The following VASN variants were observed in gnomAD, a reference collection of about 807,000 sequenced individuals.
VASN encodes the protein vasorin.
Under a neutral mutation model 4.8 loss-of-function variants are expected in VASN, and 5 were observed. That is an observed-to-expected ratio of 1.03 (90% CI 0.54 to 2.17). The LOEUF is 2.17. VASN is among the 30% of genes most tolerant of loss of function. VASN has a pLI of 0.01. For synonymous variants in VASN, 499 were observed against 460.8 expected (o/e 1.08, Z -1.06); for missense variants, 927 against 948.8 (o/e 0.98, Z 0.30).
At chr16:4,373,612 C>T (rs537877904) in intron 1 of VASN, among the ~76,000 whole-genome samples, 5 of 152,170 alleles carry the variant, frequency 3.3e-5, no homozygotes, top group African/African-American at 4.8e-5. Flanking sequence ...GGAGATGCCC[C>T]GGGCAGGAGA....
chr16:4,382,728 AG>A lies in VASN; in HGVS notation c.1855del (p.Ala619LeufsTer9). 6.4e-7 allele frequency: 1 copy of A among 1,553,090 alleles called. No individual in the cohort carries two copies. Among genetic ancestry groups the A allele is most frequent in the Non-Finnish European group, 8.7e-7 (1 of 1,149,348 alleles). On this transcript the variant is annotated frameshift_variant, in exon 2 of 2. Coordinates refer to ENST00000304735, the MANE Select transcript of VASN (RefSeq NM_138440.3). LOFTEE classifies it high-confidence loss of function. ...AAQDKGQVGP[G>X]AGPLELEGVK... ...CTCAGGACAAAGGGCAGGTGGGGCC[AG>A]GGGCTGGGCCCCTGGAACTGGAGGG... is the stretch of plus-strand genomic sequence containing the variant.
In VASN at chr16:4,382,623, G is replaced by C. The variant is rs1011056295; in HGVS notation, c.1746G>C (p.Leu582=). 1 of 1,574,216 alleles carries C rather than the reference G, an allele frequency of 6.4e-7. No homozygotes were observed. Among genetic ancestry groups the C allele is most frequent in the African/African-American group, 1.4e-5 (1 of 73,846 alleles). Residue 582 remains leucine, a synonymous_variant, in exon 2 of 2, where the codon CTG becomes CTC. Coordinates refer to ENST00000304735, the MANE Select transcript of VASN (RefSeq NM_138440.3). ...GNLPLLIAPA[L]AAVLLAALAA... ...TGCCGCTCCTCATTGCGCCCGCCCT[G>C]GCCGCGGTGCTCCTGGCCGCGCTGG...
At chr16:4,379,966 G>A (rs2054894135) in intron 1 of VASN, among the ~76,000 whole-genome samples, 1 of 150,584 alleles carries the variant, frequency 6.6e-6, no homozygotes, top group African/African-American at 2.4e-5. Context: ...GCTGAGGCAG[G>A]AGAATTGCTT....
chr16:4,382,684 C>CGGGCCA lies in VASN; in HGVS notation c.1808_1813dup (p.Arg603_Ala604dup). ...GGCAGCCTACTGTGTGCGGCGGGGG[C>CGGGCCA]GGGCCATGGCAGCAGCGGCTCAGGA... On this transcript the variant is annotated inframe_insertion, in exon 2 of 2. Transcript: ENST00000304735. 6.5e-7 allele frequency: 1 copy of CGGGCCA among 1,545,808 alleles called. No homozygotes were observed. The highest frequency in any genetic ancestry group is 8.7e-7 in the Non-Finnish European group (1 of 1,146,892).
chr16:4,376,286 C>A (rs541522593), intron 1 of VASN, among the ~76,000 whole-genome samples: 3 of 152,206 alleles, frequency 2.0e-5, no homozygotes, highest in Non-Finnish European at 4.4e-5. Flanking sequence ...TGGAGCCAGC[C>A]GTCCTGGCCG....
At chr16:4,375,724 G>A (rs1422689161) in intron 1 of VASN, among the ~76,000 whole-genome samples, 1 of 152,184 alleles carries the variant, frequency 6.6e-6, no homozygotes. Context: ...TCCTGACCTC[G>A]TGATCGTCCT....
At position 4,381,935 on chromosome 16, in the gene VASN, C is replaced by G; in HGVS notation, c.1058C>G (p.Thr353Ser). 3.1e-6 allele frequency: 5 copies of G among 1,607,378 alleles called. No homozygotes were observed. Among genetic ancestry groups the G allele is most frequent in the Non-Finnish European group, 4.2e-6 (5 of 1,178,808 alleles). Residue 353 changes from threonine to serine, a missense_variant, in exon 2 of 2, where the codon ACC (threonine) becomes AGC (serine). Physicochemically the swap from Thr to Ser is moderately conservative, Grantham distance 58. Coordinates refer to ENST00000304735, the MANE Select transcript of VASN (RefSeq NM_138440.3). ...DYADFGCPAT[T>S]TTATVPTTRP... ...GCCGACTTTGGCTGCCCAGCCACCA[C>G]CACCACAGCCACAGTGCCCACCACG...
At chr16:4,380,446 T>C (rs905975327) in intron 1 of VASN, among the ~76,000 whole-genome samples, 1 of 152,262 alleles carries the variant, frequency 6.6e-6, no homozygotes, top group Non-Finnish European at 1.5e-5. Context: ...CCAGCTTCTC[T>C]GCTTACACAC....
intron 1 of VASN, among the ~76,000 whole-genome samples, chr16:4,376,868 G>C (rs1281928977): frequency 6.6e-6 from 1 of 152,174 alleles, no homozygotes; most frequent in Non-Finnish European, 1.5e-5. Flanking sequence ...GGGGATGTCT[G>C]ATCTGTGTAA....
Position 4,382,651 on chromosome 16 carries a change from G to A in VASN, c.1774G>A (p.Ala592Thr), listed in dbSNP as rs2055036881. 6.4e-7 allele frequency: 1 copy of A among 1,554,310 alleles called. No individual in the cohort carries two copies. Among genetic ancestry groups the A allele is most frequent in the East Asian group, 2.4e-5 (1 of 41,382 alleles). The stretch of plus-strand genomic sequence containing the variant: ...CGCGGTGCTCCTGGCCGCGCTGGCT[G>A]CGGTGGGGGCAGCCTACTGTGTGCG... Reference protein sequence around the residue: ...LAAVLLAALAAVGAAYCVRRG... With the variant: ...LAAVLLAALATVGAAYCVRRG... Residue 592 changes from alanine (A) to threonine (T), a missense_variant, in exon 2 of 2, where the codon GCG (alanine) becomes ACG (threonine). Coordinates refer to ENST00000304735, the MANE Select transcript of VASN (RefSeq NM_138440.3).
chr16:4,377,758 G>A (rs1448730140), intron 1 of VASN, among the ~76,000 whole-genome samples: 4 of 152,180 alleles, frequency 2.6e-5, no homozygotes, highest in South Asian at 2.1e-4. Flanking sequence ...AAGCTCCAGC[G>A]CTGCCTCCTC....
Position 4,383,150 on chromosome 16 carries a change from C to T in VASN, c.*251C>T, listed in dbSNP as rs138013996. The T allele has an allele frequency of 1.3e-5, 6 of 477,048 alleles. No individual in the cohort carries two copies. In the East Asian group the frequency reaches 1.4e-4, roughly 11 times the overall value. 29.6% of individuals were successfully genotyped at this position (477,048 alleles called of 1,614,324 possible). A position where few individuals can be genotyped will look rare whatever the true frequency, so the allele number is the denominator to read the frequency against. On this transcript the variant is annotated 3_prime_UTR_variant, in exon 2 of 2. Transcript: ENST00000304735. Reference sequence around the variant, plus strand: ...TGAGGACAGTGTCCGCCCTGCCCTCCGCAACGTGCAGTCCCTGGGCACGGC... The same window carrying T: ...TGAGGACAGTGTCCGCCCTGCCCTCTGCAACGTGCAGTCCCTGGGCACGGC...
In VASN at chr16:4,372,759, C is replaced by A. The variant is rs546360832; in HGVS notation, c.-10+766C>A. On this transcript the variant is annotated intron_variant, in intron 1 of 1. Coordinates refer to ENST00000304735, the MANE Select transcript of VASN (RefSeq NM_138440.3). Reference sequence around the variant, plus strand: ...TTGGTGCCAACCATTCTGCCTCTCCCCCATTCGTTAACGATTGCCACACCA... The same window carrying A: ...TTGGTGCCAACCATTCTGCCTCTCCACCATTCGTTAACGATTGCCACACCA... 3.3e-5 allele frequency among the ~76,000 whole-genome samples: 5 copies of A among 152,286 alleles called. No individual in the cohort carries two copies. The East Asian group carries it at 9.6e-4, about 29-fold the overall frequency.
chr16:4,372,026 G>C (rs1377970061), intron 1 of VASN, 33 bp downstream of exon 1: 1 of 151,982 alleles, frequency 6.6e-6, no homozygotes, highest in Non-Finnish European at 1.5e-5. Context: ...GGCTGCGGGC[G>C]GGGAAGGGGG....
Position 4,381,522 on chromosome 16 carries a change from G to A in VASN, c.645G>A (p.Leu215=). 2 of 1,600,944 alleles carry A rather than the reference G, an allele frequency of 1.2e-6. No individual in the cohort carries two copies. The highest frequency in any genetic ancestry group is 1.7e-6 in the Non-Finnish European group (2 of 1,174,986). The part of the protein sequence containing the change: ...QQLDEGLFSR[L]RNLHDLDVSD... ...TGGACGAGGGGCTCTTCAGCCGCTT[G>A]CGCAACCTCCACGACCTGGATGTGT... The change falls in exon 2 of 2, where the codon TTG becomes TTA. Residue 215 remains leucine (L), a synonymous_variant. Coordinates refer to ENST00000304735, the MANE Select transcript of VASN (RefSeq NM_138440.3).
intron 1 of VASN, among the ~76,000 whole-genome samples, chr16:4,378,919 C>G (rs1567269624): frequency 6.6e-6 from 1 of 152,066 alleles, no homozygotes; most frequent in Non-Finnish European, 1.5e-5. Flanking sequence ...GGAGACGACT[C>G]TGGCAGTGCG....
At position 4,381,858 on chromosome 16, in the gene VASN, C is replaced by T. The variant is rs1430890159; in HGVS notation, c.981C>T (p.Arg327=). The change falls in exon 2 of 2, where the codon CGC becomes CGT. Residue 327 remains arginine (R), a synonymous_variant. Transcript: ENST00000304735. The part of the protein sequence containing the change: ...HVTLASPEET[R]CHFPPKNAGR... Reference sequence around the variant, plus strand: ...CACTGGCCAGCCCTGAGGAGACGCGCTGCCACTTCCCGCCCAAGAACGCTG... The same window carrying T: ...CACTGGCCAGCCCTGAGGAGACGCGTTGCCACTTCCCGCCCAAGAACGCTG... The T allele has an allele frequency of 6.2e-7, 1 of 1,602,890 alleles. No homozygotes were observed. The highest frequency in any genetic ancestry group is 2.2e-5 in the East Asian group (1 of 44,872).
chr16:4,380,346 T>G (rs978519163), intron 1 of VASN, among the ~76,000 whole-genome samples: 2 of 152,172 alleles, frequency 1.3e-5, no homozygotes, highest in Non-Finnish European at 2.9e-5. Context: ...ATGGATCCCA[T>G]AGTTTCCATG....
chr16:4,372,286 C>A (rs977453778), intron 1 of VASN, among the ~76,000 whole-genome samples: 1 of 152,232 alleles, frequency 6.6e-6, no homozygotes. Flanking sequence ...GCTTCCTCCT[C>A]CCACGGCTGG....
Sources: allele counts gnomAD v4.1 joint callset (sites outside exome capture counted in the v4.1 genomes callset), GRCh38; gene constraint gnomAD v4.1.1; transcripts MANE v1.5; gene names NCBI Gene and HGNC (gene_info 2026-07-23, HGNC 2026-07-21).